The following POFUT1 variants were observed in gnomAD, a reference collection of about 807,000 sequenced individuals.
POFUT1 encodes GDP-fucose protein O-fucosyltransferase 1.
Under a neutral mutation model 42.4 loss-of-function variants are expected in POFUT1, and 16 were observed. That is an observed-to-expected ratio of 0.38 (90% CI 0.26 to 0.57). POFUT1 has a LOEUF of 0.57. Ranked by LOEUF, POFUT1 falls within the 20% of genes least tolerant of loss-of-function variation. POFUT1 has a pLI of 0.71. For missense variants in POFUT1, 470 were observed against 504.6 expected (o/e 0.93, Z 0.66); for synonymous variants, 206 against 205.4 (o/e 1.00, Z -0.03).
At chr20:32,224,049 C>A (rs1364310748) in intron 4 of POFUT1, among the ~76,000 whole-genome samples, 1 of 152,182 alleles carries the variant, frequency 6.6e-6, no homozygotes, top group Non-Finnish European at 1.5e-5. Flanking sequence ...CATTGCCTAT[C>A]ACATAATGAG....
At chr20:32,210,719 T>G (rs983284332) in intron 2 of POFUT1, among the ~76,000 whole-genome samples, 2 of 152,248 alleles carry the variant, frequency 1.3e-5, no homozygotes, top group African/African-American at 4.8e-5. Flanking sequence ...AGGGGCTCCC[T>G]TGTCATGCGA....
chr20:32,234,748 T>A lies in POFUT1; in HGVS notation c.*87T>A. 1 of 1,235,976 alleles carries A rather than the reference T, an allele frequency of 8.1e-7. No individual in the cohort carries two copies. Among genetic ancestry groups the A allele is most frequent in the Non-Finnish European group, 1.1e-6 (1 of 890,528 alleles). The allele number at this position is 1,235,976 out of a possible 1,614,324, so 76.6% of individuals were successfully genotyped here. A position where few individuals can be genotyped will look rare whatever the true frequency, so the allele number is the denominator to read the frequency against. On this transcript the variant is annotated 3_prime_UTR_variant, in exon 7 of 7. Coordinates refer to ENST00000375749, the MANE Select transcript of POFUT1 (RefSeq NM_015352.2). ...AGCCAGGCCTGGCAGCCAGAGGTGC[T>A]CCGGGATTGCAAACTCCTCTTCTCA...
intron 2 of POFUT1, among the ~76,000 whole-genome samples, chr20:32,213,378 C>T (rs2047340877): frequency 6.6e-6 from 1 of 151,430 alleles, no homozygotes; most frequent in African/African-American, 2.4e-5. Context: ...ATCGCTTGAA[C>T]CCGGGAGGCG....
chr20:32,229,953 T>A (rs1044794426), intron 5 of POFUT1, among the ~76,000 whole-genome samples: 1 of 152,162 alleles, frequency 6.6e-6, no homozygotes, highest in Non-Finnish European at 1.5e-5. Context: ...AATTTTTGTA[T>A]TTTTTGTAGA....
Position 32,228,317 on chromosome 20 carries a change from C to T in POFUT1, c.597C>T (p.Phe199=). The change falls in exon 5 of 7, where the codon TTC becomes TTT. Residue 199 remains phenylalanine (F), a synonymous_variant. Coordinates refer to ENST00000375749, the MANE Select transcript of POFUT1 (RefSeq NM_015352.2). The part of the protein sequence containing the change: ...VLALPGAPAQ[F]PVLEEHRPLQ... ...CCCTGCCAGGAGCCCCAGCCCAGTT[C>T]CCCGTCCTAGAGGAACACAGGCCAC... 6.2e-7 allele frequency: 1 copy of T among 1,614,078 alleles called. No individual in the cohort carries two copies. Among genetic ancestry groups the T allele is most frequent in the Non-Finnish European group, 8.5e-7 (1 of 1,179,954 alleles).
intron 4 of POFUT1, among the ~76,000 whole-genome samples, chr20:32,227,131 T>A (rs1171988368): frequency 2.0e-5 from 3 of 152,068 alleles, no homozygotes. Flanking sequence ...TGAAAGTGCA[T>A]TGTGAACATG....
At chr20:32,225,071 G>A (rs981197919) in intron 4 of POFUT1, among the ~76,000 whole-genome samples, 1 of 152,174 alleles carries the variant, frequency 6.6e-6, no homozygotes, top group Non-Finnish European at 1.5e-5. Context: ...AATCCTCTCA[G>A]TAGCCCTATA....
At chr20:32,226,971 A>G (rs1329737197) in intron 4 of POFUT1, among the ~76,000 whole-genome samples, 2 of 152,136 alleles carry the variant, frequency 1.3e-5, no homozygotes, top group Non-Finnish European at 2.9e-5. Context: ...TAAGAGTACA[A>G]TTGCTGGGTC....
Position 32,236,888 on chromosome 20 carries a change from A to C in POFUT1, c.*2227A>C, listed in dbSNP as rs973993394. 3.9e-5 allele frequency: 6 copies of C among 152,200 alleles called. No individual in the cohort carries two copies. Among genetic ancestry groups the C allele is most frequent in the African/African-American group, 1.4e-4 (6 of 41,444 alleles). The allele number at this position is 152,200 out of a possible 1,614,324, so 9.4% of individuals were successfully genotyped here. A position where few individuals can be genotyped will look rare whatever the true frequency, so the allele number is the denominator to read the frequency against. On this transcript the variant is annotated 3_prime_UTR_variant, in exon 7 of 7. Coordinates refer to ENST00000375749, the MANE Select transcript of POFUT1 (RefSeq NM_015352.2). ...TGCACAAGGAAAAATTAATGCCCTGAGAATTGTCATAATTTTCCCAAGGCT... is the reference window on the plus strand; with the variant it reads ...TGCACAAGGAAAAATTAATGCCCTGCGAATTGTCATAATTTTCCCAAGGCT...
Position 32,228,439 on chromosome 20 carries a change from G to C in POFUT1, c.719G>C (p.Arg240Pro). 6.2e-7 allele frequency: 1 copy of C among 1,613,970 alleles called. No individual in the cohort carries two copies. Among genetic ancestry groups the C allele is most frequent in the Non-Finnish European group, 8.5e-7 (1 of 1,179,912 alleles). Residue 240 changes from arginine (R) to proline (P), a missense_variant, in exon 5 of 7, where the codon CGC becomes CCC. Coordinates refer to ENST00000375749, the MANE Select transcript of POFUT1 (RefSeq NM_015352.2). ...CGGCCCTATGTGGGCATTCATCTGC[G>C]CATTGGCTCTGACTGGGTAACTTCC... ...LVRPYVGIHLRIGSDWKNACA... is the reference protein window; with the variant it reads ...LVRPYVGIHLPIGSDWKNACA...
chr20:32,211,187 C>T (rs2047326071), intron 2 of POFUT1, among the ~76,000 whole-genome samples: 1 of 152,210 alleles, frequency 6.6e-6, no homozygotes. Context: ...TATGCCGCCT[C>T]CCTCTTAGAA....
At position 32,228,268 on chromosome 20, in the gene POFUT1, C is replaced by T. The variant is rs776859534; in HGVS notation, c.548C>T (p.Ser183Phe). ...SYREQWSQRF[S>F]PKEHPVLALP... ...TCATTCCATCTCCTGTCTAGATTTT[C>T]TCCAAAGGAACATCCGGTGCTTGCC... The change falls in exon 5 of 7, where the codon TCT (serine) becomes TTT (phenylalanine). Residue 183 changes from serine (S) to phenylalanine (F), a missense_variant. Transcript: ENST00000375749. 6 of 1,612,970 alleles carry T rather than the reference C, an allele frequency of 3.7e-6. No homozygotes were observed. Among genetic ancestry groups the T allele is most frequent in the East Asian group, 2.2e-5 (1 of 44,854 alleles).
Position 32,234,814 on chromosome 20 carries a change from AG to A in POFUT1, c.*156del. The stretch of plus-strand genomic sequence containing the variant: ...GAAGAGTGCCAGGGACCCCTCAAGG[AG>A]GGAGACGCTCCATATCCCAGGGCAT... On this transcript the variant is annotated 3_prime_UTR_variant, in exon 7 of 7. Coordinates refer to ENST00000375749, the MANE Select transcript of POFUT1 (RefSeq NM_015352.2). The A allele has an allele frequency of 1.6e-6, 1 of 640,482 alleles. No individual in the cohort carries two copies. Among genetic ancestry groups the A allele is most frequent in the Non-Finnish European group, 2.6e-6 (1 of 381,894 alleles). 39.7% of individuals were successfully genotyped at this position (640,482 alleles called of 1,614,324 possible).
At chr20:32,229,092 C>G (rs1024505241) in intron 5 of POFUT1, among the ~76,000 whole-genome samples, 3 of 152,206 alleles carry the variant, frequency 2.0e-5, no homozygotes, top group African/African-American at 7.2e-5. Flanking sequence ...TTTCCCCCAG[C>G]CCCCACAAAG....
At chr20:32,219,691 G>T (rs1357289682) in intron 4 of POFUT1, among the ~76,000 whole-genome samples, 1 of 151,696 alleles carries the variant, frequency 6.6e-6, no homozygotes, top group South Asian at 2.1e-4. Context: ...TAGAGACGGG[G>T]TTTCACCGTG....
At chr20:32,228,880 G>A (rs2047428515) in intron 5 of POFUT1, among the ~76,000 whole-genome samples, 1 of 152,218 alleles carries the variant, frequency 6.6e-6, no homozygotes, top group Non-Finnish European at 1.5e-5. Context: ...GTTTAAATGT[G>A]CAGAATCCTT....
At position 32,210,192 on chromosome 20, in the gene POFUT1, C is replaced by G; in HGVS notation, c.246C>G (p.Asn82Lys). The G allele has an allele frequency of 6.2e-7, 1 of 1,614,140 alleles. No homozygotes were observed. Among genetic ancestry groups the G allele is most frequent in the Non-Finnish European group, 8.5e-7 (1 of 1,179,970 alleles). ...EYQHHKPPFT[N>K]LHVSYQKYFK... ...AGCATCACAAGCCTCCTTTCACCAA[C>G]GTGAGTACTTCCCACTGACCTTGGC... The change falls in exon 2 of 7, where the codon AAC becomes AAG. Residue 82 changes from asparagine (N) to lysine (K), a missense_variant and splice_region_variant. Coordinates refer to ENST00000375749, the MANE Select transcript of POFUT1 (RefSeq NM_015352.2).
rs758651407 is a variant in POFUT1, at chr20:32,236,570, G to C, written c.*1909G>C. ...GCACCAGAAGTTCTAGCAAAATTCA[G>C]TTGTGTTCTGTGAGCTAGCACTTTT... On this transcript the variant is annotated 3_prime_UTR_variant, in exon 7 of 7. Coordinates refer to ENST00000375749, the MANE Select transcript of POFUT1 (RefSeq NM_015352.2). 3.9e-5 allele frequency: 6 copies of C among 152,204 alleles called. No homozygotes were observed. Among genetic ancestry groups the C allele is most frequent in the African/African-American group, 1.4e-4 (6 of 41,442 alleles). The allele number at this position is 152,204 out of a possible 1,614,324, so 9.4% of individuals were successfully genotyped here.
chr20:32,220,960 C>T (rs939143997), intron 4 of POFUT1, among the ~76,000 whole-genome samples: 1 of 152,088 alleles, frequency 6.6e-6, no homozygotes, highest in African/African-American at 2.4e-5. Context: ...ATAGAAACTG[C>T]GGGCTCCCTA....
Sources: gnomAD v4.1 joint callset for allele counts (sites outside exome capture counted in the v4.1 genomes callset) on GRCh38, gnomAD v4.1.1 for gene constraint, MANE v1.5 for transcripts, NCBI Gene and HGNC (gene_info 2026-07-23, HGNC 2026-07-21) for gene names.